The following RAB7A variants were observed in gnomAD, a reference collection of about 807,000 sequenced individuals.
RAB7A encodes the protein ras-related protein Rab-7a.
Under a neutral mutation model 24.5 loss-of-function variants are expected in RAB7A, and 2 were observed. The ratio of observed to expected loss-of-function variants is 0.08; its 90% CI spans 0.03 to 0.26. RAB7A has a LOEUF of 0.26. RAB7A is among the 10% of genes least tolerant of loss of function. The pLI is 1.00. For missense variants in RAB7A, 118 were observed against 255.7 expected (o/e 0.46, Z 3.67); for synonymous variants, 100 against 95.9 (o/e 1.04, Z -0.25).
chr3:128,793,092 C>T (rs376920836), intron 1 of RAB7A, among the ~76,000 whole-genome samples: 8 of 152,034 alleles, frequency 5.3e-5, no homozygotes, highest in Non-Finnish European at 7.4e-5. Context: ...GGCGCAATCT[C>T]GGCTCACTGC....
intron 1 of RAB7A, among the ~76,000 whole-genome samples, chr3:128,752,078 C>T (rs1480123189): frequency 1.3e-5 from 2 of 151,986 alleles, no homozygotes; most frequent in Non-Finnish European, 2.9e-5. Context: ...TGTAAATTGC[C>T]CAGTCTTGGG....
intron 1 of RAB7A, among the ~76,000 whole-genome samples, chr3:128,732,242 G>C (rs1464661994): frequency 6.6e-6 from 1 of 151,766 alleles, no homozygotes; most frequent in Non-Finnish European, 1.5e-5. Flanking sequence ...GTTTCACCAT[G>C]TTGGCCAGGA....
At chr3:128,743,990 T>C (rs1387562417) in intron 1 of RAB7A, among the ~76,000 whole-genome samples, 4 of 151,876 alleles carry the variant, frequency 2.6e-5, no homozygotes, top group Non-Finnish European at 5.9e-5. Context: ...GGTTTCACCA[T>C]GTTGGCCAGG....
At chr3:128,755,741 A>AT (rs371206832) in intron 1 of RAB7A, among the ~76,000 whole-genome samples, 1 of 152,082 alleles carries the variant, frequency 6.6e-6, no homozygotes, top group Non-Finnish European at 1.5e-5. Flanking sequence ...CTTTTGGAAG[A>AT]TTTTTTAATT....
chr3:128,755,702 G>GATTTT (rs892661916), intron 1 of RAB7A, among the ~76,000 whole-genome samples: 2 of 152,048 alleles, frequency 1.3e-5, no homozygotes, highest in African/African-American at 2.4e-5. Context: ...AAAGTGATAT[G>GATTTT]ATTTTATTTT....
At chr3:128,768,316 T>G (rs1435483830) in intron 1 of RAB7A, among the ~76,000 whole-genome samples, 1 of 152,202 alleles carries the variant, frequency 6.6e-6, no homozygotes, top group African/African-American at 2.4e-5. Context: ...ACAGTTTGAT[T>G]AGCCTTTCTG....
intron 1 of RAB7A, among the ~76,000 whole-genome samples, chr3:128,779,401 G>A (rs1256387595): frequency 1.3e-5 from 2 of 150,238 alleles, no homozygotes; most frequent in Non-Finnish European, 3.0e-5. Flanking sequence ...GAGGAAGACT[G>A]TGTCTCAAAA....
intron 1 of RAB7A, among the ~76,000 whole-genome samples, chr3:128,770,023 G>A (rs2070869502): frequency 7.0e-6 from 1 of 141,974 alleles, no homozygotes; most frequent in African/African-American, 2.6e-5. Context: ...TTTTTTTTGA[G>A]ACGGAGTCTC....
intron 1 of RAB7A, among the ~76,000 whole-genome samples, chr3:128,726,745 C>G (rs1270621753): frequency 3.3e-5 from 5 of 152,222 alleles, no homozygotes; most frequent in Non-Finnish European, 7.4e-5. Context: ...ACGCCGCCCG[C>G]CGCCGTGCCC....
intron 1 of RAB7A, among the ~76,000 whole-genome samples, chr3:128,726,685 G>A (rs1275967719): frequency 6.6e-6 from 1 of 152,206 alleles, no homozygotes; most frequent in African/African-American, 2.4e-5. Context: ...GGCAGGACGC[G>A]CTGGCCAGTG....
chr3:128,788,763 A>G (rs956934111), intron 1 of RAB7A, among the ~76,000 whole-genome samples: 3 of 152,082 alleles, frequency 2.0e-5, no homozygotes, highest in African/African-American at 7.2e-5. Context: ...CCCTTCCCCT[A>G]GGTACCCCTG....
chr3:128,807,133 TGACATC>T (rs1933821282), intron 4 of RAB7A, among the ~76,000 whole-genome samples: 1 of 152,178 alleles, frequency 6.6e-6, no homozygotes, highest in Non-Finnish European at 1.5e-5. Flanking sequence ...GTGGCATAGG[TGACATC>T]ACACTAGCAG....
intron 1 of RAB7A, among the ~76,000 whole-genome samples, chr3:128,793,050 G>A (rs147056537): frequency 0.048 from 7,248 of 151,300 alleles, 191 homozygotes; most frequent in African/African-American, 0.069. Flanking sequence ...TTGAGACGGA[G>A]TCTCGCTCTG....
intron 1 of RAB7A, among the ~76,000 whole-genome samples, chr3:128,788,403 C>T (rs537513552): frequency 1.3e-5 from 2 of 152,168 alleles, no homozygotes; most frequent in Non-Finnish European, 1.5e-5. Context: ...TTTGCTGTGA[C>T]ACCTCATACT....
intron 5 of RAB7A, among the ~76,000 whole-genome samples, chr3:128,809,936 C>CTTTTTTTTTTTTTGTTTTTT (rs1933887501): frequency 1.9e-5 from 1 of 52,216 alleles, no homozygotes. Context: ...TTGCCACAGT[C>CTTTTTTTTTTTTTGTTTTTT]TTTTTTTTTT....
At chr3:128,805,621 TA>T (rs1933786791) in intron 3 of RAB7A, among the ~76,000 whole-genome samples, 1 of 152,214 alleles carries the variant, frequency 6.6e-6, no homozygotes, top group Non-Finnish European at 1.5e-5. Context: ...AAATGAAATA[TA>T]ACATGCTAAT....
chr3:128,736,172 G>A (rs1339065761), intron 1 of RAB7A, among the ~76,000 whole-genome samples: 1 of 149,264 alleles, frequency 6.7e-6, no homozygotes, highest in African/African-American at 2.5e-5. Flanking sequence ...TTTTTTTTTA[G>A]ATGAGGAAAT....
chr3:128,764,704 G>A (rs967996724), intron 1 of RAB7A: 9 of 808,850 alleles, frequency 1.1e-5, no homozygotes, highest in Non-Finnish European at 2.0e-5. Context: ...TTCCAAATGT[G>A]ATGCACACTC....
chr3:128,732,953 G>C (rs1024434170), intron 1 of RAB7A, among the ~76,000 whole-genome samples: 1 of 152,174 alleles, frequency 6.6e-6, no homozygotes, highest in African/African-American at 2.4e-5. Context: ...GAGAAGCTGG[G>C]GATCATAGGA....
Sources: allele counts gnomAD v4.1 joint callset (sites outside exome capture counted in the v4.1 genomes callset), GRCh38; gene constraint gnomAD v4.1.1; transcripts MANE v1.5; gene names NCBI Gene and HGNC (gene_info 2026-07-23, HGNC 2026-07-21).